Variants in LCLAT1 observed in about 807,000 individuals in gnomAD.
LCLAT1 encodes lysocardiolipin acyltransferase 1.
Under a neutral mutation model 30.7 loss-of-function variants are expected in LCLAT1, and 11 were observed. That is an observed-to-expected ratio of 0.36 (90% CI 0.23 to 0.59). The LOEUF is 0.59. Ranked by LOEUF, LCLAT1 falls within the 20% of genes least tolerant of loss-of-function variation. The pLI, the probability that LCLAT1 is intolerant of heterozygous loss-of-function variation, is 0.77. For missense variants in LCLAT1, 402 were observed against 458.6 expected (o/e 0.88, Z 1.13); for synonymous variants, 155 against 151.3 (o/e 1.02, Z -0.18).
At chr2:30,595,285 C>G (rs1219861983) in intron 5 of LCLAT1, among the ~76,000 whole-genome samples, 2 of 152,164 alleles carry the variant, frequency 1.3e-5, no homozygotes, top group Non-Finnish European at 2.9e-5. Context: ...CATTCCACGT[C>G]TGTCTCTTAG....
At chr2:30,482,895 A>G (rs1327478256) in intron 1 of LCLAT1, among the ~76,000 whole-genome samples, 2 of 152,140 alleles carry the variant, frequency 1.3e-5, no homozygotes, top group Non-Finnish European at 2.9e-5. Flanking sequence ...CTTGGGGTCC[A>G]GTCTCAGCTT....
intron 4 of LCLAT1, among the ~76,000 whole-genome samples, chr2:30,566,193 A>G (rs544471806): frequency 1.3e-5 from 2 of 152,314 alleles, no homozygotes; most frequent in Non-Finnish European, 2.9e-5. Context: ...ACCGTCCCAC[A>G]TTGTGACTGT....
At chr2:30,608,182 G>T (rs540261404) in intron 5 of LCLAT1, among the ~76,000 whole-genome samples, 57 of 151,726 alleles carry the variant, frequency 3.8e-4, no homozygotes, top group African/African-American at 1.3e-3. Context: ...TTAGCTGGGC[G>T]TGGTGGCAGG....
rs1219453384 is a variant in LCLAT1 at position 30,492,097 on chromosome 2, T to A, written c.-4-33490T>A. On this transcript the variant is annotated intron_variant, in intron 1 of 5. Transcript: ENST00000379509. ...TTATTTAACTTGTAGCCTAAAATTT[T>A]AAAAAATACACATTTTCTGGCTACC... Among the ~76,000 whole-genome samples, 4 of 152,272 alleles carry A rather than the reference T, an allele frequency of 2.6e-5. No homozygotes were observed. The East Asian group carries it at 7.7e-4, about 29-fold the overall frequency.
chr2:30,618,152 T>C (rs908481654), intron 5 of LCLAT1, among the ~76,000 whole-genome samples: 1 of 152,314 alleles, frequency 6.6e-6, no homozygotes, highest in East Asian at 1.9e-4. Context: ...AGTACAATAT[T>C]GTCTCGATTA....
Position 30,521,489 on chromosome 2 carries a change from C to CTTTT in LCLAT1, c.-4-4096_-4-4095insTTTT, listed in dbSNP as rs1262784785. On this transcript the variant is annotated intron_variant, in intron 1 of 5. Transcript: ENST00000379509. The stretch of plus-strand genomic sequence containing the variant: ...GTTTCCTCAACCCCCTAAACTACTT[C>CTTTT]TTCTTTTTTTTTTTTTTTTTTTTTT... Among the ~76,000 whole-genome samples the CTTTT allele has an allele frequency of 1.0e-3, 56 of 55,536 alleles. 2 individuals carry two copies. The highest frequency in any genetic ancestry group is 2.9e-3 in the East Asian group (5 of 1,748). The allele number at this position is 55,536 out of a possible 152,430, so 36.4% of individuals were successfully genotyped here.
At chr2:30,637,325 GT>G (rs368367206) in intron 5 of LCLAT1, among the ~76,000 whole-genome samples, 18,872 of 146,804 alleles carry the variant, frequency 0.13, 1,358 homozygotes, top group South Asian at 0.23. Flanking sequence ...AAGATTGCTG[GT>G]TTTTTTTTTT....
intron 3 of LCLAT1, among the ~76,000 whole-genome samples, chr2:30,545,545 A>G (rs1172399930): frequency 1.3e-5 from 2 of 152,188 alleles, no homozygotes; most frequent in Non-Finnish European, 2.9e-5. Flanking sequence ...TAGGAAATAA[A>G]TCATTAAAAG....
At position 30,562,175 on chromosome 2, in the gene LCLAT1, T is replaced by A; in HGVS notation, c.394T>A (p.Phe132Ile). ...GWAMQAAAYI[F>I]IHRKWKDDKS... ...GGCCATGCAGGCTGCTGCCTATATC[T>A]TCATTCATAGGAAATGGAAGGATGA... Residue 132 changes from phenylalanine (F) to isoleucine (I), a missense_variant, in exon 4 of 6, where the codon TTC becomes ATC. Coordinates refer to ENST00000379509, the MANE Select transcript of LCLAT1 (RefSeq NM_001002257.3). 1 of 1,613,068 alleles carries A rather than the reference T, an allele frequency of 6.2e-7. No individual in the cohort carries two copies. Among genetic ancestry groups the A allele is most frequent in the Non-Finnish European group, 8.5e-7 (1 of 1,179,278 alleles).
At chr2:30,496,643 A>G (rs555235783) in intron 1 of LCLAT1, among the ~76,000 whole-genome samples, 2 of 152,290 alleles carry the variant, frequency 1.3e-5, no homozygotes, top group South Asian at 4.1e-4. Flanking sequence ...ACTCTGTGTA[A>G]ATGTGTCATA....
chr2:30,469,519 C>T (rs1272357859), intron 1 of LCLAT1, among the ~76,000 whole-genome samples: 1 of 151,274 alleles, frequency 6.6e-6, no homozygotes, highest in South Asian at 2.1e-4. Context: ...ATCAGTTGGC[C>T]ATAGATGTAT....
At chr2:30,564,726 A>G (rs1033715431) in intron 4 of LCLAT1, among the ~76,000 whole-genome samples, 5 of 152,218 alleles carry the variant, frequency 3.3e-5, no homozygotes, top group Non-Finnish European at 7.3e-5. Flanking sequence ...CTGTTAATTA[A>G]AAGGTGTTTA....
chr2:30,480,150 G>C (rs1683249695), intron 1 of LCLAT1, among the ~76,000 whole-genome samples: 1 of 152,048 alleles, frequency 6.6e-6, no homozygotes, highest in Admixed American at 6.6e-5. Flanking sequence ...TAATAAAAAG[G>C]ACCCCATATA....
chr2:30,519,650 C>A (rs374919982), intron 1 of LCLAT1, among the ~76,000 whole-genome samples: 1 of 152,138 alleles, frequency 6.6e-6, no homozygotes. Flanking sequence ...ACTAAAATGC[C>A]CATTAGGCTA....
At chr2:30,621,578 G>C (rs1668252242) in intron 5 of LCLAT1, among the ~76,000 whole-genome samples, 1 of 152,278 alleles carries the variant, frequency 6.6e-6, no homozygotes, top group African/African-American at 2.4e-5. Context: ...GAAGCAGCTT[G>C]CTACTGCAGG....
At position 30,640,825 on chromosome 2, in the gene LCLAT1, A is replaced by C. The variant is rs1356963748; in HGVS notation, c.*206A>C. The C allele has an allele frequency of 3.5e-6, 2 of 572,222 alleles. No individual in the cohort carries two copies. The highest frequency in any genetic ancestry group is 2.2e-5 in the South Asian group (1 of 44,492). 35.4% of individuals were successfully genotyped at this position (572,222 alleles called of 1,614,324 possible). A position where few individuals can be genotyped will look rare whatever the true frequency, so the allele number is the denominator to read the frequency against. On this transcript the variant is annotated 3_prime_UTR_variant, in exon 6 of 6. Coordinates refer to ENST00000379509, the MANE Select transcript of LCLAT1 (RefSeq NM_001002257.3). ...TGAATGTAATTTCGATACTGTGTACATAGCAGGGAGTGATCGGGGTGAAAT... is the reference window on the plus strand; with the variant it reads ...TGAATGTAATTTCGATACTGTGTACCTAGCAGGGAGTGATCGGGGTGAAAT...
intron 5 of LCLAT1, among the ~76,000 whole-genome samples, chr2:30,638,472 A>G (rs1669142256): frequency 1.3e-5 from 2 of 152,234 alleles, no homozygotes; most frequent in African/African-American, 4.8e-5. Flanking sequence ...GATTTCTATC[A>G]GCACAGATTA....
chr2:30,605,543 TC>T, intron 5 of LCLAT1, among the ~76,000 whole-genome samples: 1 of 152,304 alleles, frequency 6.6e-6, no homozygotes, highest in Non-Finnish European at 1.5e-5. Flanking sequence ...AAGAAAGTGT[TC>T]AAACATTTAG....
At chr2:30,546,501 C>T (rs371807292) in intron 3 of LCLAT1, among the ~76,000 whole-genome samples, 2 of 152,048 alleles carry the variant, frequency 1.3e-5, no homozygotes, top group African/African-American at 4.8e-5. Context: ...TGGTTCAATA[C>T]AGTGATATGG....
Sources: gnomAD v4.1 joint callset for allele counts (sites outside exome capture counted in the v4.1 genomes callset) on GRCh38, gnomAD v4.1.1 for gene constraint, MANE v1.5 for transcripts, NCBI Gene and HGNC (gene_info 2026-07-23, HGNC 2026-07-21) for gene names.